The following BCAS3 variants were observed in gnomAD, a reference collection of about 807,000 sequenced individuals.
BCAS3 encodes the protein BCAS4/BCAS3 fusion.
Under a neutral mutation model 116.1 loss-of-function variants are expected in BCAS3, and 53 were observed. The observed-to-expected ratio is 0.46, with a 90% CI of 0.37 to 0.57. The LOEUF is 0.57. Among genes scored for constraint, BCAS3 ranks in the 20% least tolerant of loss-of-function variants. The probability of loss-of-function intolerance (pLI) is 0.00; values close to 1 mark genes in which losing one functional copy is unlikely to be tolerated. For missense variants in BCAS3, 917 were observed against 1,165.4 expected, an observed-to-expected ratio of 0.79 and a Z score of 3.10; for synonymous variants, 391 against 408.2, an observed-to-expected ratio of 0.96 and a Z score of 0.51.
chr17:61,069,995 C>A, intron 19 of BCAS3: 1 of 1,589,632 alleles, frequency 6.3e-7, no homozygotes, highest in Non-Finnish European at 8.5e-7. Context: ...AAGATCCGCA[C>A]GTCACCCACC....
chr17:61,344,387 G>A lies in BCAS3; in HGVS notation c.2426-23940G>A, dbSNP rs749361923. Among the ~76,000 whole-genome samples the A allele has an allele frequency of 6.6e-5, 10 of 152,088 alleles. No homozygotes were observed. Among genetic ancestry groups the A allele is most frequent in the African/African-American group, 1.4e-4 (6 of 41,382 alleles). On this transcript the variant is annotated intron_variant, in intron 22 of 23. Transcript: ENST00000407086. The surrounding 1 kb of genome is among the most constrained non-coding windows in gnomAD (Gnocchi z 4.1). Reference sequence around the variant, plus strand: ...CTTTTAGGCCCAGCTTCATCTTCACGGGGACTTTCTTCCATCTGTGCACTG... The same window carrying A: ...CTTTTAGGCCCAGCTTCATCTTCACAGGGACTTTCTTCCATCTGTGCACTG...
At chr17:60,719,894 A>G (rs1262141350) in intron 5 of BCAS3, among the ~76,000 whole-genome samples, 1 of 152,222 alleles carries the variant, frequency 6.6e-6, no homozygotes, top group Admixed American at 6.5e-5. Flanking sequence ...GAAGAAAGTT[A>G]AAGATGTTTC....
At chr17:60,966,309 C>G (rs557394369) in intron 14 of BCAS3, among the ~76,000 whole-genome samples, 1 of 152,162 alleles carries the variant, frequency 6.6e-6, no homozygotes, top group African/African-American at 2.4e-5. Context: ...GTTGGATAAT[C>G]GAGACCATTT....
Position 60,814,306 on chromosome 17 carries a change from T to TGCGCGTGCGC in BCAS3, c.476+6235_476+6236insTGCGCGCGCG, listed in dbSNP as rs1555731462. The stretch of plus-strand genomic sequence containing the variant: ...GTGTGTGTGTGTGTGTGTGTGTGTG[T>TGCGCGTGCGC]GCGCGCGTGCCCATTGCAAATGGGA... On this transcript the variant is annotated intron_variant, in intron 7 of 23. Transcript: ENST00000407086. Among the ~76,000 whole-genome samples the TGCGCGTGCGC allele has an allele frequency of 2.9e-3, 429 of 148,298 alleles. 4 individuals carry two copies. Among genetic ancestry groups the TGCGCGTGCGC allele is most frequent in the African/African-American group, 0.01 (413 of 39,894 alleles).
intron 22 of BCAS3, among the ~76,000 whole-genome samples, chr17:61,153,519 A>G (rs1432138719): frequency 1.3e-5 from 2 of 152,210 alleles, no homozygotes; most frequent in African/African-American, 4.8e-5. Context: ...CAACCTCACC[A>G]AACCCCCAGT....
intron 22 of BCAS3, among the ~76,000 whole-genome samples, chr17:61,273,117 T>A (rs1028343526): frequency 5.9e-5 from 9 of 151,954 alleles, no homozygotes; most frequent in Admixed American, 1.3e-4. Context: ...TTTATTTTTT[T>A]TTTTTTCTGA....
At position 61,203,003 on chromosome 17, in the gene BCAS3, A is replaced by G. The variant is rs570208578; in HGVS notation, c.2425+118439A>G. Among the ~76,000 whole-genome samples the G allele has an allele frequency of 1.3e-5, 2 of 152,174 alleles. No individual in the cohort carries two copies. The highest frequency in any genetic ancestry group is 2.9e-5 in the Non-Finnish European group (2 of 68,028). On this transcript the variant is annotated intron_variant, in intron 22 of 23. Transcript: ENST00000407086. This position sits in a 1 kb window ranked among gnomAD's most constrained non-coding sequence, Gnocchi z 5.7. ...TCTTCCTCTGCTGTGAATTAGGGCT[A>G]ATATTAAATTTTGTGTGGTTGCTGA...
intron 8 of BCAS3, among the ~76,000 whole-genome samples, chr17:60,869,784 C>G (rs962062685): frequency 6.6e-6 from 1 of 152,084 alleles, no homozygotes; most frequent in African/African-American, 2.4e-5. Context: ...ATATTTAACC[C>G]TGAACTGTCC....
At chr17:60,756,609 T>A (rs912793600) in intron 6 of BCAS3, among the ~76,000 whole-genome samples, 2 of 152,198 alleles carry the variant, frequency 1.3e-5, no homozygotes, top group Non-Finnish European at 2.9e-5. Flanking sequence ...GATTTTATTA[T>A]TTTTTTATGG....
At chr17:61,304,513 A>G (rs2053680726) in intron 22 of BCAS3, among the ~76,000 whole-genome samples, 1 of 152,026 alleles carries the variant, frequency 6.6e-6, no homozygotes, top group South Asian at 2.1e-4. Context: ...ATTCCCATTC[A>G]TACTCATTGA....
In BCAS3 at chr17:61,343,414, A is replaced by G. The variant is rs1194642335; in HGVS notation, c.2426-24913A>G. 1.3e-5 allele frequency among the ~76,000 whole-genome samples: 2 copies of G among 152,242 alleles called. No homozygotes were observed. The highest frequency in any genetic ancestry group is 2.1e-4 in the South Asian group (1 of 4,834). ...CCCAGGCAGGAGCAGCGATCTGGCC[A>G]TGGTTTATAGCAACAGGGAGTGCAT... On this transcript the variant is annotated intron_variant, in intron 22 of 23. Coordinates refer to ENST00000407086, the MANE Select transcript of BCAS3 (RefSeq NM_017679.5). The surrounding 1 kb of genome is among the most constrained non-coding windows in gnomAD (Gnocchi z 5.5).
At chr17:60,736,519 A>G (rs1389006315) in intron 5 of BCAS3, among the ~76,000 whole-genome samples, 1 of 152,030 alleles carries the variant, frequency 6.6e-6, no homozygotes, top group African/African-American at 2.4e-5. Context: ...TGTTAGAGTA[A>G]TACTGGCCTC....
At chr17:60,761,767 T>G (rs950288720) in intron 6 of BCAS3, among the ~76,000 whole-genome samples, 1 of 143,916 alleles carries the variant, frequency 6.9e-6, no homozygotes, top group African/African-American at 3.0e-5. Context: ...TCTAGATCCT[T>G]GAGGAATTGC....
At chr17:60,679,708 A>C (rs2032694274) in intron 2 of BCAS3, among the ~76,000 whole-genome samples, 168 bp downstream of exon 2, 1 of 152,244 alleles carries the variant, frequency 6.6e-6, no homozygotes, top group Non-Finnish European at 1.5e-5. Flanking sequence ...TTGGAGAGTT[A>C]AGTTGACGTA....
At position 61,301,923 on chromosome 17, in the gene BCAS3, C is replaced by T. The variant is rs752973204; in HGVS notation, c.2426-66404C>T. Among the ~76,000 whole-genome samples the T allele has an allele frequency of 7.2e-5, 11 of 152,118 alleles. 1 individual carries two copies. The South Asian group carries it at 1.0e-3, about 14-fold the overall frequency. The stretch of plus-strand genomic sequence containing the variant: ...CAGTGTAAAGAATCTGCACCCTTTC[C>T]GCCCCCTCACAAATGTCTGCATATT... On this transcript the variant is annotated intron_variant, in intron 22 of 23. Coordinates refer to ENST00000407086, the MANE Select transcript of BCAS3 (RefSeq NM_017679.5).
intron 22 of BCAS3, among the ~76,000 whole-genome samples, chr17:61,358,935 A>G (rs2058300482): frequency 6.6e-6 from 1 of 152,170 alleles, no homozygotes. Context: ...TTAGGGAGCT[A>G]AAAAGTTCTA....
chr17:60,703,446 G>A (rs2036685508), intron 4 of BCAS3, among the ~76,000 whole-genome samples: 1 of 151,604 alleles, frequency 6.6e-6, no homozygotes, highest in Non-Finnish European at 1.5e-5. Flanking sequence ...TGAATGTGGT[G>A]GCGTATGCTT....
intron 19 of BCAS3, among the ~76,000 whole-genome samples, chr17:61,062,387 A>G (rs914966678): frequency 2.6e-5 from 4 of 152,236 alleles, no homozygotes; most frequent in Non-Finnish European, 5.9e-5. Context: ...GCCAGATTAT[A>G]TAACCCATGA....
intron 22 of BCAS3, among the ~76,000 whole-genome samples, chr17:61,334,764 A>T (rs2056590456): frequency 6.6e-6 from 1 of 151,726 alleles, no homozygotes; most frequent in Admixed American, 6.6e-5. Context: ...CAAAGGAGCC[A>T]CGACAAATGT....
Sources: allele counts gnomAD v4.1 joint callset (sites outside exome capture counted in the v4.1 genomes callset), GRCh38; gene constraint gnomAD v4.1.1; non-coding constraint Gnocchi (gnomAD v3.1); transcripts MANE v1.5; gene names NCBI Gene and HGNC (gene_info 2026-07-23, HGNC 2026-07-21).